MACF1: variants seen among roughly 807,000 people sequenced by gnomAD.
The protein encoded by MACF1 is microtubule-actin cross-linking factor 1.
In MACF1, 193 loss-of-function variants were observed where a neutral mutation model predicts 854.8. The ratio of observed to expected loss-of-function variants is 0.23; its 90% CI spans 0.20 to 0.25. The LOEUF (loss-of-function observed/expected upper bound fraction) is 0.25. MACF1 is among the 10% of genes least tolerant of loss of function. The pLI, the probability that MACF1 is intolerant of heterozygous loss-of-function variation, is 1.00. For missense variants in MACF1, 7,722 were observed against 8,929.1 expected (o/e 0.86, Z 5.45); for synonymous variants, 3,185 against 3,226.7 (o/e 0.99, Z 0.44).
chr1:39,139,322 C>T (rs1321333070), intron 2 of MACF1, among the ~76,000 whole-genome samples: 1 of 148,216 alleles, frequency 6.7e-6, no homozygotes, highest in East Asian at 2.0e-4. Flanking sequence ...CAGACAGTCT[C>T]GCTCTGTCGC....
chr1:39,340,369 T>G, intron 38 of MACF1, 133 bp from the exon 39 acceptor site: 1 of 634,918 alleles, frequency 1.6e-6, no homozygotes, highest in Non-Finnish European at 2.7e-6. Context: ...AGTAAACTAA[T>G]GAATGTACAT....
Position 39,332,803 on chromosome 1 carries a change from C to G in MACF1, c.6215C>G (p.Ser2072Cys). ...GKKTTVETED[S>C]SVENPEQDLF... ...AAGACCACTGTAGAAACAGAAGATT[C>G]TTCTGTAGAGAACCCTGAACAGGAT... The change falls in exon 37 of 101, where the codon TCT becomes TGT. Residue 2072 changes from serine to cysteine, a missense_variant. Ser to Cys is a moderately radical substitution (Grantham distance 112). Transcript: ENST00000564288. 3 of 1,614,112 alleles carry G rather than the reference C, an allele frequency of 1.9e-6. No individual in the cohort carries two copies. The highest frequency in any genetic ancestry group is 2.5e-6 in the Non-Finnish European group (3 of 1,180,028).
In MACF1 at chr1:39,105,201, A is replaced by C. The variant is rs12754642; in HGVS notation, c.220+20763A>C. 0.18 allele frequency among the ~76,000 whole-genome samples: 26,800 copies of C among 149,502 alleles called. 2,787 individuals are homozygous for C. The highest frequency in any genetic ancestry group is 0.25 in the Middle Eastern group (70 of 282). ...GGCGGGGGTCGGCAGCCCCTGGGGG[A>C]CCCGTGTGGGCAGCCCGGGCCCAGC... On this transcript the variant is annotated intron_variant, in intron 2 of 93. Transcript: ENST00000361689. This position sits in a 1 kb window ranked among gnomAD's most constrained non-coding sequence, Gnocchi z 5.9.
chr1:39,465,554 A>C (rs1644650083), intron 95 of MACF1, among the ~76,000 whole-genome samples: 1 of 152,246 alleles, frequency 6.6e-6, no homozygotes, highest in African/African-American at 2.4e-5. Context: ...TGTATGTTAT[A>C]ATTACAAGGT....
chr1:39,127,702 G>A (rs1642894509), intron 2 of MACF1, among the ~76,000 whole-genome samples: 1 of 152,146 alleles, frequency 6.6e-6, no homozygotes, highest in South Asian at 2.1e-4. Flanking sequence ...CCAACTTAAG[G>A]GGTCAGGGAA....
Position 39,411,592 on chromosome 1 carries a change from G to C in MACF1, c.15817-10782G>C, listed in dbSNP as rs1459398394. On this transcript the variant is annotated intron_variant, in intron 58 of 100. Coordinates refer to ENST00000564288, the MANE Select transcript of MACF1 (RefSeq NM_001394062.1). ...AACTGCTCAGGGGTTAGAGGGACTT[G>C]TTTCAGATTCAGCATGTACTGTGGG... is the stretch of plus-strand genomic sequence containing the variant. 3.1e-6 allele frequency: 5 copies of C among 1,613,902 alleles called. No homozygotes were observed. In the East Asian group the frequency reaches 1.1e-4, roughly 36 times the overall value.
At chr1:39,228,177 G>A (rs1644737946) in intron 1 of MACF1, among the ~76,000 whole-genome samples, 1 of 152,084 alleles carries the variant, frequency 6.6e-6, no homozygotes, top group Admixed American at 6.6e-5. Context: ...GGACGTGGTG[G>A]GTGGGCACCT....
At chr1:39,178,181 C>CTT (rs67390335) in intron 2 of MACF1, among the ~76,000 whole-genome samples, 4,083 of 137,464 alleles carry the variant, frequency 0.03, 74 homozygotes, top group Admixed American at 0.035. Context: ...TTTCAACATT[C>CTT]TTTTTTTTTT....
intron 49 of MACF1, among the ~76,000 whole-genome samples, chr1:39,363,909 G>A (rs1648439921): frequency 1.3e-5 from 2 of 152,124 alleles, no homozygotes; most frequent in Non-Finnish European, 2.9e-5. Flanking sequence ...ACCACACCTG[G>A]CCAACAAGAC....
chr1:39,385,680 G>A lies in MACF1; in HGVS notation c.14095G>A (p.Val4699Met), dbSNP rs1167662807. ...ACTGCTCCAGGACTTATCAGAGAAG[G>A]TGAGGGCAGTTGGACAACGGCTGAG... is the stretch of plus-strand genomic sequence containing the variant. ...QELLQDLSEK[V>M]RAVGQRLSVQ... The change falls in exon 57 of 101, where the codon GTG becomes ATG. Residue 4699 changes from valine (V) to methionine (M), a missense_variant. Val to Met is a conservative substitution (Grantham distance 21, BLOSUM62 1). Transcript: ENST00000564288. 1 of 1,614,190 alleles carries A rather than the reference G, an allele frequency of 6.2e-7. No homozygotes were observed. The highest frequency in any genetic ancestry group is 1.3e-5 in the African/African-American group (1 of 75,044).
Position 39,351,002 on chromosome 1 carries a change from A to C in MACF1, c.11183A>C (p.Gln3728Pro). The change falls in exon 43 of 101, where the codon CAG (glutamine) becomes CCG (proline). Residue 3728 changes from glutamine (Q) to proline (P), a missense_variant. Gln to Pro is a moderately conservative substitution (Grantham distance 76). This residue lies in a region of MACF1 where 2,807 missense variants were observed against 3,235.8 expected (regional missense o/e 0.87). Transcript: ENST00000564288. ...ELEEAVTSAL[Q>P]QETEKSKAAK... ...GAGGAAGCAGTGACCTCCGCCTTACAGCAGGAGACTGAAAAGGTAATAGAC... is the reference window on the plus strand; with the variant it reads ...GAGGAAGCAGTGACCTCCGCCTTACCGCAGGAGACTGAAAAGGTAATAGAC... 1 of 1,613,972 alleles carries C rather than the reference A, an allele frequency of 6.2e-7. No individual in the cohort carries two copies. The highest frequency in any genetic ancestry group is 8.5e-7 in the Non-Finnish European group (1 of 1,179,864).
Position 39,283,623 on chromosome 1 carries a change from A to T in MACF1, c.915+108A>T. On this transcript the variant is annotated intron_variant, in intron 9 of 100. Coordinates refer to ENST00000564288, the MANE Select transcript of MACF1 (RefSeq NM_001394062.1). This position sits in a 1 kb window ranked among gnomAD's most constrained non-coding sequence, Gnocchi z 4.5. The stretch of plus-strand genomic sequence containing the variant: ...TATGGTATACTCATGGTATCAAACT[A>T]TATATCCAGTATCTTTATCATACAT... The T allele has an allele frequency of 4.0e-6, 3 of 754,548 alleles. No homozygotes were observed. The South Asian group carries it at 4.9e-5, about 12-fold the overall frequency. The allele number at this position is 754,548 out of a possible 1,614,324, so 46.7% of individuals were successfully genotyped here. A position where few individuals can be genotyped will look rare whatever the true frequency, so the allele number is the denominator to read the frequency against.
rs1646271193 is a variant in MACF1 at position 39,310,121 on chromosome 1, T to A, written c.2917-124T>A. ...AATGGAGGAATTCAAATTATAAAAA[T>A]CAACATGTTTACGATTATGGTTTAT... On this transcript the variant is annotated intron_variant, in intron 24 of 100. Transcript: ENST00000564288. 1.1e-5 allele frequency: 9 copies of A among 813,430 alleles called. No individual in the cohort carries two copies. In the South Asian group the frequency reaches 1.7e-4, roughly 16 times the overall value. 50.4% of individuals were successfully genotyped at this position (813,430 alleles called of 1,614,324 possible).
chr1:39,318,893 A>G (rs961457227), intron 30 of MACF1, among the ~76,000 whole-genome samples: 2 of 151,946 alleles, frequency 1.3e-5, no homozygotes, highest in African/African-American at 2.4e-5. Flanking sequence ...TTTATATTAC[A>G]TTTTATTTTA....
At chr1:39,359,103 T>G (rs544989211) in intron 46 of MACF1, 38 bp from the exon 47 acceptor site, 2 of 1,612,430 alleles carry the variant, frequency 1.2e-6, no homozygotes, top group East Asian at 2.2e-5. Flanking sequence ...CTTTGATTAC[T>G]TAGATGTTTT....
intron 58 of MACF1, among the ~76,000 whole-genome samples, chr1:39,415,120 G>T (rs1227366582): frequency 6.6e-6 from 1 of 152,196 alleles, no homozygotes; most frequent in Non-Finnish European, 1.5e-5. Context: ...AAAGCTAAAT[G>T]ATTAAGAACT....
intron 15 of MACF1, among the ~76,000 whole-genome samples, chr1:39,290,114 T>C (rs752410595): frequency 1.3e-5 from 2 of 152,200 alleles, no homozygotes; most frequent in African/African-American, 2.4e-5. Flanking sequence ...AGAAACTTTT[T>C]CCTAGACTAG....
At position 39,353,206 on chromosome 1, in the gene MACF1, T is replaced by C. The variant is rs764163287; in HGVS notation, c.11399T>C (p.Leu3800Pro). Residue 3800 changes from leucine to proline, a missense_variant, in exon 44 of 101, where the codon CTG becomes CCG. Leu to Pro is a moderately conservative substitution (Grantham distance 98). Around this residue, in one of 15 missense-constraint regions of MACF1, gnomAD observed 2,807 missense variants for 3,235.8 expected, o/e 0.87. Coordinates refer to ENST00000564288, the MANE Select transcript of MACF1 (RefSeq NM_001394062.1). ...YMGVNQAPEK[L>P]DKQCEMMKAR... ...GGGGTGAATCAAGCCCCAGAGAAAC[T>C]GGACAAGCAATGTGAGATGATGAAG... The C allele has an allele frequency of 6.2e-7, 1 of 1,607,540 alleles. No homozygotes were observed. The highest frequency in any genetic ancestry group is 2.2e-5 in the East Asian group (1 of 44,650).
intron 58 of MACF1, among the ~76,000 whole-genome samples, chr1:39,417,916 T>C (rs941270707): frequency 3.3e-5 from 5 of 151,966 alleles, no homozygotes; most frequent in African/African-American, 1.2e-4. Flanking sequence ...TGCCAGGTAC[T>C]AGGCTCCTGC....
Sources: gnomAD v4.1 joint callset for allele counts (sites outside exome capture counted in the v4.1 genomes callset) on GRCh38, gnomAD v4.1.1 for gene constraint, gnomAD v4.1.1 regional missense constraint, Gnocchi (gnomAD v3.1) non-coding constraint, MANE v1.5 for transcripts, NCBI Gene and HGNC (gene_info 2026-07-23, HGNC 2026-07-21) for gene names.